The following ABCA1 variants were observed in gnomAD, a reference collection of about 807,000 sequenced individuals.
ABCA1 encodes ATP binding cassette subfamily A member 1.
Under a neutral mutation model 262.5 loss-of-function variants are expected in ABCA1, and 133 were observed. The ratio of observed to expected loss-of-function variants is 0.51; its 90% CI spans 0.44 to 0.59. ABCA1 has a LOEUF of 0.59. ABCA1 is among the 20% of genes least tolerant of loss of function. ABCA1 has a pLI of 0.00. For synonymous variants in ABCA1, 1,022 were observed against 1,043.5 expected, an observed-to-expected ratio of 0.98 and a Z score of 0.40; for missense variants, 2,452 against 2,777.5, an observed-to-expected ratio of 0.88 and a Z score of 2.63.
At chr9:104,861,205 G>C (rs1836356201) in intron 6 of ABCA1, among the ~76,000 whole-genome samples, 1 of 152,148 alleles carries the variant, frequency 6.6e-6, no homozygotes, top group Non-Finnish European at 1.5e-5. Flanking sequence ...TGCAAAGCAA[G>C]CAACAGTTCT....
intron 20 of ABCA1, among the ~76,000 whole-genome samples, chr9:104,821,039 T>C (rs1372101306): frequency 2.0e-5 from 3 of 152,090 alleles, no homozygotes; most frequent in Non-Finnish European, 2.9e-5. Flanking sequence ...GGTCAAGACA[T>C]TGAGACCATC....
At chr9:104,916,522 T>C (rs1189558560) in intron 1 of ABCA1, among the ~76,000 whole-genome samples, 1 of 152,204 alleles carries the variant, frequency 6.6e-6, no homozygotes, top group East Asian at 1.9e-4. Context: ...TTCTCTCCTA[T>C]AAAGGGCACT....
At chr9:104,826,845 G>T in intron 16 of ABCA1, 103 bp downstream of exon 16, 1 of 1,099,390 alleles carries the variant, frequency 9.1e-7, no homozygotes, top group South Asian at 1.3e-5. Context: ...TGTCCCATTG[G>T]AAAAGACAAT....
At chr9:104,803,795 CAG>C (rs1248430567) in intron 32 of ABCA1, among the ~76,000 whole-genome samples, 1 of 151,998 alleles carries the variant, frequency 6.6e-6, no homozygotes, top group Non-Finnish European at 1.5e-5. Flanking sequence ...TTAGTAGAGA[CAG>C]GGTTTCCCCA....
rs566227702 is a variant in ABCA1, at chr9:104,792,993, C to A, written c.5637-87G>T. The A allele has an allele frequency of 3.9e-5, 63 of 1,604,164 alleles. No homozygotes were observed. In the African/African-American group the frequency reaches 7.8e-4, roughly 20 times the overall value. The stretch of plus-strand genomic sequence containing the variant: ...CTCTAACGTAGTATTATAAAACCTA[C>A]TTGCCACAGTCTCCAGGATGGGCAG... On this transcript the variant is annotated intron_variant, in intron 41 of 49. Coordinates refer to ENST00000374736, the MANE Select transcript of ABCA1 (RefSeq NM_005502.4).
chr9:104,828,860 C>A (rs537629889), intron 15 of ABCA1, 56 bp downstream of exon 15: 1 of 1,560,836 alleles, frequency 6.4e-7, no homozygotes, highest in Non-Finnish European at 8.8e-7. Context: ...TCCCTTAGCC[C>A]GTGTTGAGCT....
At chr9:104,885,142 A>C (rs914360380) in intron 3 of ABCA1, among the ~76,000 whole-genome samples, 45 of 152,350 alleles carry the variant, frequency 3.0e-4, no homozygotes, top group Admixed American at 2.2e-3. Flanking sequence ...AGGCTGAGGC[A>C]GGAGAATCGC....
chr9:104,844,869 A>G (rs969215997), intron 8 of ABCA1, among the ~76,000 whole-genome samples: 10 of 152,230 alleles, frequency 6.6e-5, no homozygotes, highest in African/African-American at 1.9e-4. Context: ...GCTGGGAGTC[A>G]GAGCTAACTG....
chr9:104,887,255 G>A (rs1015703095), intron 3 of ABCA1, among the ~76,000 whole-genome samples: 19 of 151,810 alleles, frequency 1.3e-4, no homozygotes, highest in African/African-American at 2.4e-5. Flanking sequence ...TCCAGTCTGG[G>A]CAACAGAGCA....
intron 1 of ABCA1, among the ~76,000 whole-genome samples, chr9:104,926,822 G>T (rs1826382572): frequency 6.6e-6 from 1 of 152,214 alleles, no homozygotes; most frequent in Non-Finnish European, 1.5e-5. Flanking sequence ...CAGCAGCAAC[G>T]GTCTGGAAGA....
intron 3 of ABCA1, among the ~76,000 whole-genome samples, chr9:104,887,741 T>C (rs2118314981): frequency 6.7e-6 from 1 of 148,766 alleles, no homozygotes; most frequent in South Asian, 2.2e-4. Flanking sequence ...TTTTTTTTTT[T>C]TTTGAGACAG....
intron 2 of ABCA1, among the ~76,000 whole-genome samples, chr9:104,895,696 C>T (rs1474598588): frequency 2.6e-5 from 4 of 152,210 alleles, no homozygotes; most frequent in Non-Finnish European, 4.4e-5. Flanking sequence ...TCCCACACTA[C>T]AGATGTTCAC....
chr9:104,879,341 G>T (rs1838429436), intron 5 of ABCA1, among the ~76,000 whole-genome samples: 1 of 152,142 alleles, frequency 6.6e-6, no homozygotes, highest in Admixed American at 6.5e-5. Context: ...CAAGTTAGCT[G>T]CTATTTTATA....
chr9:104,830,823 T>C, intron 14 of ABCA1, 102 bp downstream of exon 14: 4 of 1,358,626 alleles, frequency 2.9e-6, no homozygotes, highest in Non-Finnish European at 4.2e-6. Context: ...TGGCATCTTA[T>C]TTCCAGATCA....
chr9:104,923,058 C>T (rs1049222492), intron 1 of ABCA1, among the ~76,000 whole-genome samples: 1 of 152,110 alleles, frequency 6.6e-6, no homozygotes, highest in Non-Finnish European at 1.5e-5. Flanking sequence ...TCCAAAAATA[C>T]GTATATCTTA....
In ABCA1 at chr9:104,837,583, G is replaced by C. The variant is rs756632680; in HGVS notation, c.1055-16C>G. 1.2e-6 allele frequency: 2 copies of C among 1,613,604 alleles called. No individual in the cohort carries two copies. The highest frequency in any genetic ancestry group is 1.6e-4 in the Middle Eastern group (1 of 6,062). On this transcript the variant is annotated splice_polypyrimidine_tract_variant and intron_variant, in intron 9 of 49. Coordinates refer to ENST00000374736, the MANE Select transcript of ABCA1 (RefSeq NM_005502.4). ...CAGTAAGGAGCTATGAAGAAGAGGA[G>C]AGACAAATGCTCATATGCATGGTCA...
chr9:104,909,654 A>ACACACATACACG lies in ABCA1; in HGVS notation c.-92-5884_-92-5883insCGTGTATGTGTG, dbSNP rs770801372. Among the ~76,000 whole-genome samples, 93 of 146,612 alleles carry ACACACATACACG rather than the reference A, an allele frequency of 6.3e-4. 1 individual carries two copies. The highest frequency in any genetic ancestry group is 2.3e-3 in the African/African-American group (89 of 39,348). On this transcript the variant is annotated intron_variant, in intron 1 of 49. Transcript: ENST00000374736. ...CACACACACACACACACACACACAC[A>ACACACATACACG]TTCACAGGAAGCTGGCTGTGAAGGG...
chr9:104,810,141 C>CATATATACAT (rs1831142869), intron 29 of ABCA1, among the ~76,000 whole-genome samples: 1 of 126,852 alleles, frequency 7.9e-6, no homozygotes. Flanking sequence ...ATTCACATTA[C>CATATATACAT]ATATATATAT....
chr9:104,826,860 T>A (rs1184539849), intron 16 of ABCA1, 88 bp downstream of exon 16: 1 of 1,242,706 alleles, frequency 8.0e-7, no homozygotes, highest in Non-Finnish European at 1.2e-6. Flanking sequence ...GACAATCATC[T>A]TCTGTTCTCA....
Sources: allele counts gnomAD v4.1 joint callset (sites outside exome capture counted in the v4.1 genomes callset), GRCh38; gene constraint gnomAD v4.1.1; transcripts MANE v1.5; gene names NCBI Gene and HGNC (gene_info 2026-07-23, HGNC 2026-07-21).